The following AKAP13 variants were observed in gnomAD, a reference collection of about 807,000 sequenced individuals.
AKAP13 encodes A-kinase anchoring protein 13, also known as A-kinase anchor protein 13.
A neutral mutation model predicts 264.5 loss-of-function variants in AKAP13; 80 were observed. The observed-to-expected ratio is 0.30, with a 90% CI of 0.25 to 0.36. The LOEUF (loss-of-function observed/expected upper bound fraction) is 0.36, where lower values mean the gene tolerates loss of function less well. Ranked by LOEUF, AKAP13 falls within the 10% of genes least tolerant of loss-of-function variation. The pLI is 1.00. For synonymous variants in AKAP13, 1,380 were observed against 1,250.2 expected (o/e 1.10, Z -2.19); for missense variants, 3,712 against 3,435.2 (o/e 1.08, Z -2.01).
intron 29 of AKAP13, among the ~76,000 whole-genome samples, chr15:85,728,440 T>C (rs2087749958): frequency 6.6e-6 from 1 of 152,204 alleles, no homozygotes; most frequent in Non-Finnish European, 1.5e-5. Context: ...AAATCTTCCT[T>C]CTTTAAATTT....
Position 85,580,418 on chromosome 15 carries a change from A to T in AKAP13, c.2350A>T (p.Thr784Ser). The change falls in exon 7 of 37, where the codon ACT (threonine) becomes TCT (serine). Residue 784 changes from threonine (T) to serine (S), a missense_variant. Around this residue, in one of 3 missense-constraint regions of AKAP13, gnomAD observed 2,759 missense variants for 2,411.7 expected, o/e 1.14. Coordinates refer to ENST00000394518, the MANE Select transcript of AKAP13 (RefSeq NM_007200.5). ...VPDQAVISDS[T>S]FSLANSPGSE... is the part of the protein sequence containing the mutation. ...AGACCAGGCAGTAATATCAGACAGT[A>T]CTTTCTCTCTGGCAAACAGTCCAGG... 6.2e-7 allele frequency: 1 copy of T among 1,614,242 alleles called. No individual in the cohort carries two copies. Among genetic ancestry groups the T allele is most frequent in the Non-Finnish European group, 8.5e-7 (1 of 1,180,042 alleles).
chr15:85,536,541 A>G (rs533679677), intron 4 of AKAP13: 1 of 152,340 alleles, frequency 6.6e-6, no homozygotes, highest in South Asian at 2.1e-4. Context: ...TAGTAATGTT[A>G]TTCATAATCT....
intron 5 of AKAP13, among the ~76,000 whole-genome samples, chr15:85,564,193 A>T (rs1260154471): frequency 6.6e-6 from 1 of 152,114 alleles, no homozygotes. Flanking sequence ...AGCAATTTTC[A>T]CCTCTGCCTT....
Position 85,581,933 on chromosome 15 carries a change from A to G in AKAP13, c.3865A>G (p.Thr1289Ala). The G allele has an allele frequency of 1.9e-6, 3 of 1,614,186 alleles. No homozygotes were observed. The highest frequency in any genetic ancestry group is 1.7e-4 in the Middle Eastern group (1 of 6,060). Residue 1289 changes from threonine to alanine, a missense_variant, in exon 7 of 37, where the codon ACT becomes GCT. Thr to Ala is a moderately conservative substitution (Grantham distance 58). Transcript: ENST00000394518. ...SLSSPELGPLTKGLESAFTEK... is the reference protein window; with the variant it reads ...SLSSPELGPLAKGLESAFTEK... Reference sequence around the variant, plus strand: ...GTCCAGCCCTGAGTTGGGTCCTCTCACTAAAGGACTAGAGAGTGCTTTTAC... The same window carrying G: ...GTCCAGCCCTGAGTTGGGTCCTCTCGCTAAAGGACTAGAGAGTGCTTTTAC...
intron 1 of AKAP13, among the ~76,000 whole-genome samples, chr15:85,443,022 A>G (rs548304675): frequency 6.6e-6 from 1 of 152,158 alleles, no homozygotes; most frequent in East Asian, 1.9e-4. Flanking sequence ...GCCCAGTGTC[A>G]CTCAGCTAGT....
At chr15:85,710,191 C>A (rs1365222596) in intron 18 of AKAP13, among the ~76,000 whole-genome samples, 2 of 152,082 alleles carry the variant, frequency 1.3e-5, no homozygotes, top group African/African-American at 4.8e-5. Flanking sequence ...AAGATGCTGC[C>A]CTTAAGGCAC....
In AKAP13 at chr15:85,681,613, AG is replaced by A. The variant is rs565081796; in HGVS notation, c.5102-543del. Among the ~76,000 whole-genome samples, 62 of 151,998 alleles carry A rather than the reference AG, an allele frequency of 4.1e-4. No individual in the cohort carries two copies. The East Asian group carries it at 0.01, about 26-fold the overall frequency. ...TCACAGATGAGGAAATGAAATCCAA[AG>A]GTCTCATCCCAAATTAGTGACAGGG... On this transcript the variant is annotated intron_variant, in intron 14 of 36. Transcript: ENST00000394518.
At chr15:85,537,708 T>G (rs1449737957) in intron 4 of AKAP13, among the ~76,000 whole-genome samples, 1 of 152,232 alleles carries the variant, frequency 6.6e-6, no homozygotes, top group Non-Finnish European at 1.5e-5. Flanking sequence ...CTGGCTTCAT[T>G]GCAAGAGTTT....
rs1195309346 is a variant in AKAP13, at chr15:85,410,379, T to G, written c.-12+29581T>G. ...CATGAGAATGGCTTCAAAATAGGTC[T>G]TCTGCTTCAGATTTCTCTTAATTTT... On this transcript the variant is annotated intron_variant, in intron 1 of 36. Coordinates refer to ENST00000394518, the MANE Select transcript of AKAP13 (RefSeq NM_007200.5). 1.3e-5 allele frequency among the ~76,000 whole-genome samples: 2 copies of G among 151,664 alleles called. 1 individual carries two copies. The highest frequency in any genetic ancestry group is 4.9e-5 in the African/African-American group (2 of 40,940).
rs191133004 is a variant in AKAP13 at position 85,441,189 on chromosome 15, C to G, written c.-11-44521C>G. Among the ~76,000 whole-genome samples, 5 of 152,180 alleles carry G rather than the reference C, an allele frequency of 3.3e-5. No individual in the cohort carries two copies. The East Asian group carries it at 9.6e-4, about 29-fold the overall frequency. On this transcript the variant is annotated intron_variant, in intron 1 of 36. Transcript: ENST00000394518. ...CAGTTTTCCACACATTTTGCCAATACTTGGTATTTTTAATCTTTTTTTTAA... is the reference window on the plus strand; with the variant it reads ...CAGTTTTCCACACATTTTGCCAATAGTTGGTATTTTTAATCTTTTTTTTAA...
intron 14 of AKAP13, among the ~76,000 whole-genome samples, chr15:85,681,568 T>C (rs1173766624): frequency 6.6e-6 from 1 of 151,976 alleles, no homozygotes; most frequent in Non-Finnish European, 1.5e-5. Flanking sequence ...GACTTTGCCA[T>C]CTGTTTTATC....
chr15:85,721,882 T>A, intron 23 of AKAP13, 109 bp from the exon 24 acceptor site: 1 of 1,510,044 alleles, frequency 6.6e-7, no homozygotes, highest in Non-Finnish European at 8.9e-7. Flanking sequence ...TTTGGGAGAA[T>A]TTATGAGGAA....
At chr15:85,420,705 A>G (rs1350229762) in intron 1 of AKAP13, among the ~76,000 whole-genome samples, 1 of 152,200 alleles carries the variant, frequency 6.6e-6, no homozygotes, top group Non-Finnish European at 1.5e-5. Context: ...AAGGGAAATT[A>G]TCTGAATGGG....
intron 29 of AKAP13, 108 bp from the exon 30 acceptor site, chr15:85,730,405 C>A: frequency 1.7e-6 from 2 of 1,148,528 alleles, no homozygotes; most frequent in Non-Finnish European, 2.5e-6. Flanking sequence ...GGAGGGTGTC[C>A]TGTCTTGTCA....
At chr15:85,444,019 T>A (rs897825699) in intron 1 of AKAP13, among the ~76,000 whole-genome samples, 2 of 152,160 alleles carry the variant, frequency 1.3e-5, no homozygotes, top group African/African-American at 2.4e-5. Flanking sequence ...TTCCCCTGAT[T>A]GACATCTGCT....
intron 13 of AKAP13, among the ~76,000 whole-genome samples, chr15:85,667,641 T>C: frequency 6.6e-6 from 1 of 152,226 alleles, no homozygotes; most frequent in Non-Finnish European, 1.5e-5. Flanking sequence ...AAGACTGACA[T>C]ATCCCTTCAG....
chr15:85,600,936 C>A (rs1596665464), intron 8 of AKAP13, among the ~76,000 whole-genome samples: 1 of 152,198 alleles, frequency 6.6e-6, no homozygotes, highest in Non-Finnish European at 1.5e-5. Flanking sequence ...ACAAGTTAAT[C>A]TTTTTGGAAT....
chr15:85,629,822 C>T (rs1034884329), intron 8 of AKAP13, among the ~76,000 whole-genome samples: 3 of 119,666 alleles, frequency 2.5e-5, no homozygotes, highest in African/African-American at 9.8e-5. Context: ...CTGTGTCACC[C>T]AGGCTGGAGT....
At chr15:85,706,869 T>C (rs770123759) in intron 17 of AKAP13, among the ~76,000 whole-genome samples, 7 of 152,192 alleles carry the variant, frequency 4.6e-5, no homozygotes, top group Non-Finnish European at 8.8e-5. Context: ...AAGGAAGTGT[T>C]ACAAAAGGCA....
Sources: allele counts gnomAD v4.1 joint callset (sites outside exome capture counted in the v4.1 genomes callset), GRCh38; gene constraint gnomAD v4.1.1; regional missense constraint gnomAD v4.1.1; transcripts MANE v1.5; gene names NCBI Gene and HGNC (gene_info 2026-07-23, HGNC 2026-07-21).